The following SREK1 variants were observed in gnomAD, a reference collection of about 807,000 sequenced individuals.
SREK1 encodes splicing regulatory glutamine/lysine-rich protein 1.
In SREK1, 13 loss-of-function variants were observed where a neutral mutation model predicts 66.5. The observed-to-expected ratio is 0.20, with a 90% CI of 0.13 to 0.31. SREK1 has a LOEUF of 0.31. SREK1 is among the 10% of genes least tolerant of loss of function. SREK1 has a pLI of 1.00. For missense variants in SREK1, 607 were observed against 769.6 expected, an observed-to-expected ratio of 0.79 and a Z score of 2.50; for synonymous variants, 265 against 263.5, an observed-to-expected ratio of 1.01 and a Z score of -0.05.
chr5:66,178,091 C>T (rs1022291717), intron 11 of SREK1, among the ~76,000 whole-genome samples: 1 of 151,976 alleles, frequency 6.6e-6, no homozygotes, highest in Non-Finnish European at 1.5e-5. Flanking sequence ...ATAAATACTT[C>T]AAGTAGTTGT....
At chr5:66,162,664 T>C (rs1352516152) in intron 5 of SREK1, 72 bp downstream of exon 5, 1 of 1,418,732 alleles carries the variant, frequency 7.0e-7, no homozygotes, top group Non-Finnish European at 9.4e-7. Context: ...AATGAAGGCT[T>C]TTTTTTTCTT....
chr5:66,161,967 A>G (rs1161750326), intron 3 of SREK1, 142 bp from the exon 4 acceptor site: 4 of 812,652 alleles, frequency 4.9e-6, no homozygotes, highest in African/African-American at 1.7e-5. Flanking sequence ...TAACTCAGAC[A>G]TATATATGAC....
At chr5:66,152,653 T>C (rs1426748803) in intron 1 of SREK1, among the ~76,000 whole-genome samples, 1 of 152,232 alleles carries the variant, frequency 6.6e-6, no homozygotes, top group Non-Finnish European at 1.5e-5. Flanking sequence ...TAATATAAAA[T>C]CTATGTTACA....
intron 7 of SREK1, chr5:66,167,454 T>A (rs2112057065): frequency 6.6e-6 from 1 of 152,350 alleles, no homozygotes. Flanking sequence ...TGCTGGTTTT[T>A]TACAGTTTAA....
chr5:66,145,990 A>G (rs111548224), intron 1 of SREK1, among the ~76,000 whole-genome samples: 1,894 of 152,026 alleles, frequency 0.012, 43 homozygotes, highest in African/African-American at 0.043. Flanking sequence ...ATATAGAGAT[A>G]TGTGTATATA....
intron 3 of SREK1, among the ~76,000 whole-genome samples, chr5:66,160,090 A>G (rs192597548): frequency 6.6e-4 from 101 of 152,206 alleles, no homozygotes; most frequent in South Asian, 3.1e-3. Flanking sequence ...AGATTGCGCC[A>G]CTGCACTCCA....
At chr5:66,164,398 A>G in intron 6 of SREK1, 1 of 358,990 alleles carries the variant, frequency 2.8e-6, no homozygotes, top group Non-Finnish European at 5.1e-6. Context: ...TAAAAAACCC[A>G]TTCTAAAAAC....
At chr5:66,175,687 A>C (rs746159500) in intron 10 of SREK1, among the ~76,000 whole-genome samples, 1 of 152,182 alleles carries the variant, frequency 6.6e-6, no homozygotes, top group Non-Finnish European at 1.5e-5. Context: ...AGTTGGCAGC[A>C]GTTTGCACTC....
At chr5:66,174,086 G>A (rs1745865167) in intron 9 of SREK1, among the ~76,000 whole-genome samples, 1 of 152,062 alleles carries the variant, frequency 6.6e-6, no homozygotes, top group Non-Finnish European at 1.5e-5. Flanking sequence ...CAGAGGATTT[G>A]GTTTTTTAGC....
At chr5:66,152,003 G>T (rs557833716) in intron 1 of SREK1, among the ~76,000 whole-genome samples, 11 of 151,818 alleles carry the variant, frequency 7.2e-5, no homozygotes, top group Admixed American at 7.2e-4. Context: ...CCGCCACCAC[G>T]CCTGGAGAAT....
intron 1 of SREK1, among the ~76,000 whole-genome samples, chr5:66,147,131 G>C (rs1031345130): frequency 1.1e-4 from 16 of 152,150 alleles, no homozygotes; most frequent in African/African-American, 3.9e-4. Context: ...TTGGCATGAT[G>C]CAGTGGTTGA....
chr5:66,170,981 T>C, intron 9 of SREK1, 34 bp downstream of exon 9: 1 of 1,567,922 alleles, frequency 6.4e-7, no homozygotes, highest in Non-Finnish European at 8.6e-7. Context: ...ACAAAGGGAT[T>C]TGCTGATGAC....
chr5:66,158,629 T>C, intron 2 of SREK1: 3 of 336,262 alleles, frequency 8.9e-6, no homozygotes, highest in South Asian at 8.3e-5. Flanking sequence ...TCAAAATTGT[T>C]TGCATCACAA....
chr5:66,163,703 G>T, intron 5 of SREK1, 89 bp from the exon 6 acceptor site: 1 of 1,370,982 alleles, frequency 7.3e-7, no homozygotes, highest in Non-Finnish European at 9.8e-7. Context: ...ATGTCCTCAC[G>T]TTTATAAATA....
intron 1 of SREK1, among the ~76,000 whole-genome samples, chr5:66,146,032 A>G (rs1430862840): frequency 6.6e-6 from 1 of 152,000 alleles, no homozygotes; most frequent in African/African-American, 2.4e-5. Context: ...AGATTCAGGT[A>G]ATACATTTTT....
At chr5:66,151,401 A>T (rs1743794065) in intron 1 of SREK1, among the ~76,000 whole-genome samples, 1 of 152,188 alleles carries the variant, frequency 6.6e-6, no homozygotes, top group African/African-American at 2.4e-5. Flanking sequence ...TTTATTGTGT[A>T]CCTAGAAAGA....
At chr5:66,149,551 G>A (rs1743581161) in intron 1 of SREK1, among the ~76,000 whole-genome samples, 2 of 152,278 alleles carry the variant, frequency 1.3e-5, no homozygotes, top group South Asian at 4.1e-4. Flanking sequence ...TCCTGTGGAT[G>A]TTTTAAGTTT....
intron 1 of SREK1, among the ~76,000 whole-genome samples, chr5:66,146,565 G>A (rs1274249431): frequency 6.6e-6 from 1 of 151,898 alleles, no homozygotes; most frequent in Non-Finnish European, 1.5e-5. Flanking sequence ...ATATAGGCCA[G>A]GCAAAATCCT....
At chr5:66,157,167 T>C in intron 2 of SREK1, 3 of 958,058 alleles carry the variant, frequency 3.1e-6, no homozygotes, top group Non-Finnish European at 2.5e-6. Flanking sequence ...AGTGGATTTA[T>C]ACATTTATAG....
Sources: gnomAD v4.1 joint callset for allele counts (sites outside exome capture counted in the v4.1 genomes callset) on GRCh38, gnomAD v4.1.1 for gene constraint, MANE v1.5 for transcripts, NCBI Gene and HGNC (gene_info 2026-07-23, HGNC 2026-07-21) for gene names.